CLCNKA: variants seen among roughly 807,000 people sequenced by gnomAD.
CLCNKA encodes the protein chloride channel protein ClC-Ka.
CLCNKA carries 66 observed loss-of-function variants against 83.3 expected under a neutral mutation model. The ratio of observed to expected loss-of-function variants is 0.79; its 90% CI spans 0.65 to 0.97. CLCNKA has a LOEUF of 0.97. Ranked by LOEUF, CLCNKA falls within the 50% of genes least tolerant of loss-of-function variation. The probability of loss-of-function intolerance (pLI) is 0.00; values close to 1 mark genes in which losing one functional copy is unlikely to be tolerated. For synonymous variants in CLCNKA, 357 were observed against 370.4 expected, an observed-to-expected ratio of 0.96 and a Z score of 0.42; for missense variants, 806 against 888.7, an observed-to-expected ratio of 0.91 and a Z score of 1.18.
rs2022425629 is a variant in CLCNKA, at chr1:16,027,733, C to T, written c.782-88C>T. On this transcript the variant is annotated intron_variant, in intron 8 of 19. Coordinates refer to ENST00000331433, the MANE Select transcript of CLCNKA (RefSeq NM_004070.4). ...ACAGATTCCGAGTCAGGACCTGGCA[C>T]CCCCTCCACCCTGGGCTGTTAGTCT... The T allele has an allele frequency of 3.6e-6, 5 of 1,391,692 alleles. No individual in the cohort carries two copies. The South Asian group carries it at 6.4e-5, about 18-fold the overall frequency. 86.2% of individuals were successfully genotyped at this position (1,391,692 alleles called of 1,614,324 possible).
At position 16,031,698 on chromosome 1, in the gene CLCNKA, C is replaced by T. The variant is rs2022632328; in HGVS notation, c.1623-12C>T. On this transcript the variant is annotated splice_polypyrimidine_tract_variant and intron_variant, in intron 15 of 19. Transcript: ENST00000331433. ...CGACTCCGGGACCTGATGGGAGCCC[C>T]TCTGCCTGCAGCTCCCACCATGTGA... is the stretch of plus-strand genomic sequence containing the variant. The T allele has an allele frequency of 6.2e-7, 1 of 1,613,594 alleles. No homozygotes were observed. The highest frequency in any genetic ancestry group is 8.5e-7 in the Non-Finnish European group (1 of 1,180,032).
chr1:16,025,042 A>G (rs1432093278), intron 4 of CLCNKA, 151 bp downstream of exon 4: 10 of 1,053,812 alleles, frequency 9.5e-6, no homozygotes, highest in Non-Finnish European at 1.4e-5. Context: ...CAAGAAGGCC[A>G]GATCTTGACT....
At position 16,026,781 on chromosome 1, in the gene CLCNKA, A is replaced by C. The variant is rs1570300898; in HGVS notation, c.655+6A>C. On this transcript the variant is annotated splice_donor_region_variant and intron_variant, in intron 7 of 19. Transcript: ENST00000331433. Reference sequence around the variant, plus strand: ...CTTTGCAGCTCCCTTCAGCGGTGAGACCCCCCTCATGCCCCGCCCCCTGGG... The same window carrying C: ...CTTTGCAGCTCCCTTCAGCGGTGAGCCCCCCCTCATGCCCCGCCCCCTGGG... The C allele has an allele frequency of 6.2e-7, 1 of 1,602,964 alleles. No homozygotes were observed. The highest frequency in any genetic ancestry group is 8.5e-7 in the Non-Finnish European group (1 of 1,171,016).
At chr1:16,026,937 G>A in intron 7 of CLCNKA, 162 bp downstream of exon 7, 3 of 942,552 alleles carry the variant, frequency 3.2e-6, no homozygotes, top group Admixed American at 4.4e-5. Context: ...GGGCGGCGGG[G>A]CGGGGCGGGT....
chr1:16,026,979 G>T, intron 7 of CLCNKA: 1 of 694,078 alleles, frequency 1.4e-6, no homozygotes. Context: ...GTGCTGAGAG[G>T]CTTCAGGATA....
chr1:16,029,482 C>T (rs2022523200), intron 12 of CLCNKA, among the ~76,000 whole-genome samples, 183 bp downstream of exon 12: 1 of 152,174 alleles, frequency 6.6e-6, no homozygotes, highest in African/African-American at 2.4e-5. Flanking sequence ...TCAGTCTTCC[C>T]ATCTTTAAAA....
In CLCNKA at chr1:16,030,066, G is replaced by A. The variant is rs763570594; in HGVS notation, c.1399G>A (p.Ala467Thr). Residue 467 changes from alanine to threonine, a missense_variant, in exon 14 of 20, where the codon GCT (alanine) becomes ACT (threonine). By Grantham distance (58) the Ala-to-Thr change is moderately conservative. Coordinates refer to ENST00000331433, the MANE Select transcript of CLCNKA (RefSeq NM_004070.4). The stretch of plus-strand genomic sequence containing the variant: ...CAATCCCATCATGCCCGGGGGGTAT[G>A]CTCTGGCAGGTGAGTGGGTCACGGC... ...VTNPIMPGGYALAGAAAFSGA... is the reference protein window; with the variant it reads ...VTNPIMPGGYTLAGAAAFSGA... The A allele has an allele frequency of 6.2e-7, 1 of 1,605,184 alleles. No homozygotes were observed. Among genetic ancestry groups the A allele is most frequent in the South Asian group, 1.1e-5 (1 of 90,960 alleles).
At chr1:16,027,710 A>C in intron 8 of CLCNKA, 111 bp from the exon 9 acceptor site, 1 of 1,506,420 alleles carries the variant, frequency 6.6e-7, no homozygotes, top group South Asian at 1.2e-5. Flanking sequence ...GCCAGGACAC[A>C]GATTCCGAGT....
chr1:16,026,785 C>T lies in CLCNKA; in HGVS notation c.655+10C>T. 2 of 1,604,510 alleles carry T rather than the reference C, an allele frequency of 1.2e-6. No homozygotes were observed. The highest frequency in any genetic ancestry group is 1.7e-6 in the Non-Finnish European group (2 of 1,171,422). ...GCAGCTCCCTTCAGCGGTGAGACCC[C>T]CCTCATGCCCCGCCCCCTGGGTCCC... is the stretch of plus-strand genomic sequence containing the variant. On this transcript the variant is annotated intron_variant, in intron 7 of 19. Transcript: ENST00000331433.
Position 16,026,589 on chromosome 1 carries a change from C to G in CLCNKA, c.552C>G (p.Arg184=). 1 of 1,614,048 alleles carries G rather than the reference C, an allele frequency of 6.2e-7. No individual in the cohort carries two copies. Among genetic ancestry groups the G allele is most frequent in the Non-Finnish European group, 8.5e-7 (1 of 1,180,018 alleles). The part of the protein sequence containing the change: ...VMIAAYLGRV[R]TTTIGEPENK... The stretch of plus-strand genomic sequence containing the variant: ...TCGCTGCCTACCTGGGCCGTGTGCG[C>G]ACCACGACCATCGGGGAGCCTGAGG... Residue 184 remains arginine (R), a synonymous_variant, in exon 6 of 20, where the codon CGC becomes CGG. Coordinates refer to ENST00000331433, the MANE Select transcript of CLCNKA (RefSeq NM_004070.4).
Position 16,024,987 on chromosome 1 carries a change from T to G in CLCNKA, c.358+96T>G, listed in dbSNP as rs534782549. 3.9e-6 allele frequency: 6 copies of G among 1,527,520 alleles called. No homozygotes were observed. The East Asian group carries it at 1.4e-4, about 35-fold the overall frequency. 94.6% of individuals were successfully genotyped at this position (1,527,520 alleles called of 1,614,324 possible). A position where few individuals can be genotyped will look rare whatever the true frequency, so the allele number is the denominator to read the frequency against. On this transcript the variant is annotated intron_variant, in intron 4 of 19. Transcript: ENST00000331433. ...GGGAATCGGGAAGCTGCAGCCTCAT[T>G]TCTCAAGCCCAGAAGAGTTATGTGG...
At chr1:16,031,385 G>C (rs1253644146) in intron 15 of CLCNKA, among the ~76,000 whole-genome samples, 1 of 152,152 alleles carries the variant, frequency 6.6e-6, no homozygotes, top group Non-Finnish European at 1.5e-5. Context: ...TGGATGGCCA[G>C]TCACTGACCA....
chr1:16,027,854 G>A lies in CLCNKA; in HGVS notation c.815G>A (p.Arg272Gln), dbSNP rs775612930. ...TITSLYKTSF[R>Q]VDVPFDLPEI... ...ACCTCCCTCTACAAGACCAGTTTCC[G>A]GGTGGACGTTCCCTTCGACCTGCCT... is the stretch of plus-strand genomic sequence containing the variant. The change falls in exon 9 of 20, where the codon CGG becomes CAG. Residue 272 changes from arginine (R) to glutamine (Q), a missense_variant. Physicochemically the swap from Arg to Gln is conservative, Grantham distance 43. Coordinates refer to ENST00000331433, the MANE Select transcript of CLCNKA (RefSeq NM_004070.4). 9 of 1,612,878 alleles carry A rather than the reference G, an allele frequency of 5.6e-6. No individual in the cohort carries two copies. Among genetic ancestry groups the A allele is most frequent in the Middle Eastern group, 1.8e-4 (1 of 5,502 alleles).
chr1:16,032,146 C>T, intron 16 of CLCNKA, 57 bp from the exon 17 acceptor site: 1 of 1,518,692 alleles, frequency 6.6e-7, no homozygotes, highest in Non-Finnish European at 9.1e-7. Context: ...GGAAGCTTGG[C>T]CCTCAGGCCT....
intron 7 of CLCNKA, chr1:16,027,017 C>A: frequency 1.5e-6 from 1 of 650,194 alleles, no homozygotes; most frequent in South Asian, 1.9e-5. Context: ...GTTTGAAATC[C>A]ACTGGCCCCT....
At chr1:16,025,041 C>G in intron 4 of CLCNKA, 150 bp downstream of exon 4, 2 of 1,050,132 alleles carry the variant, frequency 1.9e-6, no homozygotes, top group Non-Finnish European at 2.9e-6. Context: ...GCAAGAAGGC[C>G]AGATCTTGAC....
chr1:16,029,048 G>A (rs2022502086), intron 11 of CLCNKA, 78 bp from the exon 12 acceptor site: 1 of 1,568,784 alleles, frequency 6.4e-7, no homozygotes, highest in Non-Finnish European at 8.7e-7. Flanking sequence ...TCCAGGCGGG[G>A]TCAGGCGGTG....
intron 4 of CLCNKA, among the ~76,000 whole-genome samples, chr1:16,025,388 T>C (rs912321771): frequency 2.6e-5 from 4 of 152,250 alleles, no homozygotes; most frequent in African/African-American, 7.2e-5. Flanking sequence ...GTGATCATAA[T>C]AGGACTAGGT....
Position 16,032,489 on chromosome 1 carries a change from T to A in CLCNKA, c.1892T>A (p.Val631Glu), listed in dbSNP as rs2022665553. The A allele has an allele frequency of 6.2e-7, 1 of 1,613,294 alleles. No individual in the cohort carries two copies. Among genetic ancestry groups the A allele is most frequent in the Non-Finnish European group, 8.5e-7 (1 of 1,179,928 alleles). Residue 631 changes from valine (V) to glutamate (E), a missense_variant, in exon 18 of 20, where the codon GTG (valine) becomes GAG (glutamate). Coordinates refer to ENST00000331433, the MANE Select transcript of CLCNKA (RefSeq NM_004070.4). ...GCCAGGGGCTGCCCCACGGAACCAG[T>A]GACCCTGACGCTATTCTCAGAGACC... The part of the protein sequence containing the change: ...ILARGCPTEP[V>E]TLTLFSETTL...
Sources: allele counts gnomAD v4.1 joint callset (sites outside exome capture counted in the v4.1 genomes callset), GRCh38; gene constraint gnomAD v4.1.1; transcripts MANE v1.5; gene names NCBI Gene and HGNC (gene_info 2026-07-23, HGNC 2026-07-21).